GNAZ: variants seen among roughly 807,000 people sequenced by gnomAD.
GNAZ encodes G protein subunit alpha z, also known as guanine nucleotide-binding protein G(z) subunit alpha.
GNAZ carries 3 observed loss-of-function variants against 25.4 expected under a neutral mutation model. The ratio of observed to expected loss-of-function variants is 0.12; its 90% CI spans 0.05 to 0.30. The LOEUF (loss-of-function observed/expected upper bound fraction) is 0.30, where lower values mean the gene tolerates loss of function less well. Among genes scored for constraint, GNAZ ranks in the 10% least tolerant of loss-of-function variants. The pLI, the probability that GNAZ is intolerant of heterozygous loss-of-function variation, is 1.00. For missense variants in GNAZ, 241 were observed against 501.8 expected (o/e 0.48, Z 4.97); for synonymous variants, 211 against 205.7 (o/e 1.03, Z -0.22).
intron 1 of GNAZ, among the ~76,000 whole-genome samples, chr22:23,089,399 C>T (rs1038038519): frequency 4.6e-5 from 7 of 152,092 alleles, no homozygotes; most frequent in Admixed American, 1.3e-4. Flanking sequence ...GTGGTCCTGG[C>T]GAGCTCAGGC....
At chr22:23,104,163 A>G (rs1054726340) in intron 2 of GNAZ, among the ~76,000 whole-genome samples, 1 of 152,172 alleles carries the variant, frequency 6.6e-6, no homozygotes, top group Non-Finnish European at 1.5e-5. Context: ...GTCGGGGGCC[A>G]TGGAGAGCAC....
At chr22:23,081,542 T>C (rs966678403) in intron 1 of GNAZ, among the ~76,000 whole-genome samples, 10 of 151,948 alleles carry the variant, frequency 6.6e-5, no homozygotes, top group Non-Finnish European at 1.5e-4. Context: ...CAATATGTTA[T>C]AGGCCAATCA....
At chr22:23,086,597 C>G (rs979017103) in intron 1 of GNAZ, among the ~76,000 whole-genome samples, 2 of 152,326 alleles carry the variant, frequency 1.3e-5, no homozygotes, top group African/African-American at 4.8e-5. Context: ...CCCTCCCTGA[C>G]CCCACCATGC....
intron 2 of GNAZ, among the ~76,000 whole-genome samples, chr22:23,115,138 G>A (rs1323455188): frequency 6.6e-6 from 1 of 152,182 alleles, no homozygotes; most frequent in Non-Finnish European, 1.5e-5. Context: ...GGGACCTAGT[G>A]GAGAGTGAGT....
At chr22:23,104,317 C>T (rs915947585) in intron 2 of GNAZ, among the ~76,000 whole-genome samples, 5 of 152,154 alleles carry the variant, frequency 3.3e-5, no homozygotes, top group South Asian at 2.1e-4. Flanking sequence ...CCTGTGATGA[C>T]GGAGCCAGGG....
intron 2 of GNAZ, among the ~76,000 whole-genome samples, chr22:23,098,172 CCTT>C (rs2069179297): frequency 6.6e-6 from 1 of 152,260 alleles, no homozygotes; most frequent in South Asian, 2.1e-4. Flanking sequence ...TCTCTCCTCT[CCTT>C]CTGCTCTAGC....
chr22:23,089,984 G>GCATGTC (rs1160846775), intron 1 of GNAZ, among the ~76,000 whole-genome samples: 3 of 152,144 alleles, frequency 2.0e-5, no homozygotes, highest in Non-Finnish European at 4.4e-5. Context: ...GTCGAACCTG[G>GCATGTC]TGCCTGGCCC....
At chr22:23,105,720 A>G (rs1228983415) in intron 2 of GNAZ, among the ~76,000 whole-genome samples, 2 of 152,244 alleles carry the variant, frequency 1.3e-5, no homozygotes, top group Non-Finnish European at 2.9e-5. Context: ...TCTACAACAC[A>G]CCTGTATCAT....
chr22:23,101,578 T>G (rs1193501241), intron 2 of GNAZ, among the ~76,000 whole-genome samples: 2 of 152,216 alleles, frequency 1.3e-5, no homozygotes, highest in African/African-American at 4.8e-5. Flanking sequence ...GTTCCTGACC[T>G]GGTCAAGGGC....
At chr22:23,075,319 GAAAACTGCAGCAGGC>G (rs958078066) in intron 1 of GNAZ, among the ~76,000 whole-genome samples, 1 of 152,156 alleles carries the variant, frequency 6.6e-6, no homozygotes, top group African/African-American at 2.4e-5. Flanking sequence ...AACCCAAAGT[GAAAACTGCAGCAGGC>G]AATTGCCTGC....
chr22:23,112,861 G>A (rs1374200060), intron 2 of GNAZ, among the ~76,000 whole-genome samples: 1 of 152,196 alleles, frequency 6.6e-6, no homozygotes, highest in Admixed American at 6.5e-5. Flanking sequence ...CAGGAAGGCA[G>A]GGGCCTGGTC....
At chr22:23,115,629 C>T (rs1029736716) in intron 2 of GNAZ, among the ~76,000 whole-genome samples, 4 of 152,160 alleles carry the variant, frequency 2.6e-5, no homozygotes, top group African/African-American at 9.7e-5. Context: ...AGTGATGCCT[C>T]GGTGACCCCT....
At position 23,124,959 on chromosome 22, in the gene GNAZ, G is replaced by A. The variant is rs2070141845; in HGVS notation, c.*1528G>A. 1 of 152,362 alleles carries A rather than the reference G, an allele frequency of 6.6e-6. No individual in the cohort carries two copies. Among genetic ancestry groups the A allele is most frequent in the Non-Finnish European group, 1.5e-5 (1 of 68,140 alleles). The allele number at this position is 152,362 out of a possible 1,614,324, so 9.4% of individuals were successfully genotyped here. Reference sequence around the variant, plus strand: ...AGCCAAGGACGTGAAGAGATGTACGGGGGAAAGAGAAGCTGGGGATTGGAT... The same window carrying A: ...AGCCAAGGACGTGAAGAGATGTACGAGGGAAAGAGAAGCTGGGGATTGGAT... On this transcript the variant is annotated 3_prime_UTR_variant, in exon 3 of 3. Coordinates refer to ENST00000615612, the MANE Select transcript of GNAZ (RefSeq NM_002073.4).
intron 2 of GNAZ, among the ~76,000 whole-genome samples, chr22:23,102,176 A>G (rs945690448): frequency 6.6e-6 from 1 of 152,202 alleles, no homozygotes; most frequent in Admixed American, 6.5e-5. Context: ...GGCTGCGGCC[A>G]CCTCAGTGGG....
intron 1 of GNAZ, among the ~76,000 whole-genome samples, chr22:23,085,653 C>T (rs180715795): frequency 7.2e-5 from 11 of 152,322 alleles, no homozygotes; most frequent in Admixed American, 2.6e-4. Context: ...CCAACAGCCT[C>T]CATCCCTTCA....
rs1211628206 is a variant in GNAZ at position 23,071,712 on chromosome 22, G to A, written c.-450+1142G>A. On this transcript the variant is annotated intron_variant, in intron 1 of 2. Transcript: ENST00000615612. The surrounding 1 kb of genome is among the most constrained non-coding windows in gnomAD (Gnocchi z 4.1). The stretch of plus-strand genomic sequence containing the variant: ...ACCCCGCTTGAGTGCAGGTGCAGGG[G>A]CCTCGGGAGGGACCTCAGAGTGGTG... 1.3e-5 allele frequency among the ~76,000 whole-genome samples: 2 copies of A among 152,210 alleles called. No homozygotes were observed. The highest frequency in any genetic ancestry group is 2.4e-5 in the African/African-American group (1 of 41,450).
At chr22:23,076,523 C>G (rs2068510723) in intron 1 of GNAZ, among the ~76,000 whole-genome samples, 1 of 152,142 alleles carries the variant, frequency 6.6e-6, no homozygotes, top group Non-Finnish European at 1.5e-5. Flanking sequence ...CAGGTTTGGC[C>G]ACCAAACACA....
intron 2 of GNAZ, among the ~76,000 whole-genome samples, chr22:23,098,718 C>G (rs928835487): frequency 6.6e-6 from 1 of 152,262 alleles, no homozygotes; most frequent in African/African-American, 2.4e-5. Context: ...CATGCTCTAC[C>G]AGTAATATCT....
At chr22:23,079,515 G>C (rs1260442329) in intron 1 of GNAZ, among the ~76,000 whole-genome samples, 2 of 152,166 alleles carry the variant, frequency 1.3e-5, no homozygotes, top group Non-Finnish European at 2.9e-5. Context: ...CACAGCCCTG[G>C]TGCCCTGGCT....
Sources: gnomAD v4.1 joint callset for allele counts (sites outside exome capture counted in the v4.1 genomes callset) on GRCh38, gnomAD v4.1.1 for gene constraint, Gnocchi (gnomAD v3.1) non-coding constraint, MANE v1.5 for transcripts, NCBI Gene and HGNC (gene_info 2026-07-23, HGNC 2026-07-21) for gene names.